The following PIWIL4 variants were observed in gnomAD, a reference collection of about 807,000 sequenced individuals.
The protein encoded by PIWIL4 is piwi like RNA-mediated gene silencing 4.
A neutral mutation model predicts 100.9 loss-of-function variants in PIWIL4; 50 were observed. The observed-to-expected ratio is 0.50, with a 90% CI of 0.39 to 0.63. The LOEUF (loss-of-function observed/expected upper bound fraction) is 0.63, where lower values mean the gene tolerates loss of function less well. PIWIL4 is among the 20% of genes least tolerant of loss of function. The probability of loss-of-function intolerance (pLI) is 0.00; values close to 1 mark genes in which losing one functional copy is unlikely to be tolerated. For missense variants in PIWIL4, 887 were observed against 1,043.3 expected, an observed-to-expected ratio of 0.85 and a Z score of 2.06; for synonymous variants, 342 against 367.5, an observed-to-expected ratio of 0.93 and a Z score of 0.79.
At position 94,587,046 on chromosome 11, in the gene PIWIL4, A is replaced by G; in HGVS notation, c.717-4A>G. 1 of 1,597,792 alleles carries G rather than the reference A, an allele frequency of 6.3e-7. No individual in the cohort carries two copies. Among genetic ancestry groups the G allele is most frequent in the African/African-American group, 1.4e-5 (1 of 73,950 alleles). ...ATTCCTTTTTTTCTTTTTTGTTTTT[A>G]AAGATTATCCCTTTGGCCTGGGTTT... On this transcript the variant is annotated splice_polypyrimidine_tract_variant and splice_region_variant and intron_variant, in intron 6 of 19. Coordinates refer to ENST00000299001, the MANE Select transcript of PIWIL4 (RefSeq NM_152431.3).
intron 17 of PIWIL4, among the ~76,000 whole-genome samples, 199 bp from the exon 18 acceptor site, chr11:94,619,561 C>A (rs921189061): frequency 6.6e-6 from 1 of 152,142 alleles, no homozygotes; most frequent in Non-Finnish European, 1.5e-5. Context: ...CATCCTTTTG[C>A]AACAAATACG....
Position 94,575,040 on chromosome 11 carries a change from A to T in PIWIL4, c.208A>T (p.Met70Leu). The T allele has an allele frequency of 6.2e-7, 1 of 1,613,388 alleles. No individual in the cohort carries two copies. The highest frequency in any genetic ancestry group is 1.3e-5 in the African/African-American group (1 of 75,042). ...ISSGDAGSTFMERGVKNKQDF... is the reference protein window; with the variant it reads ...ISSGDAGSTFLERGVKNKQDF... ...TTCTGGTGATGCTGGAAGTACCTTC[A>T]TGGAAAGAGGTGTGAAAAACAAACA... Residue 70 changes from methionine (M) to leucine (L), a missense_variant, in exon 3 of 20, where the codon ATG (methionine) becomes TTG (leucine). Physicochemically the swap from Met to Leu is conservative, Grantham distance 15 (BLOSUM62 2). This residue lies in a region of PIWIL4 where 146 missense variants were observed against 113.4 expected (regional missense o/e 1.29). Coordinates refer to ENST00000299001, the MANE Select transcript of PIWIL4 (RefSeq NM_152431.3).
At chr11:94,586,955 C>A in intron 6 of PIWIL4, 95 bp from the exon 7 acceptor site, 1 of 1,195,536 alleles carries the variant, frequency 8.4e-7, no homozygotes, top group Non-Finnish European at 1.2e-6. Flanking sequence ...GTTAAGATCT[C>A]GAGAATTAGA....
intron 4 of PIWIL4, among the ~76,000 whole-genome samples, chr11:94,579,783 T>A (rs1948288497): frequency 6.6e-6 from 1 of 152,236 alleles, no homozygotes; most frequent in African/African-American, 2.4e-5. Context: ...TTTTTATTGA[T>A]CCTTCAATTC....
intron 11 of PIWIL4, among the ~76,000 whole-genome samples, chr11:94,600,862 C>A (rs1411565199): frequency 1.3e-5 from 2 of 151,970 alleles, no homozygotes; most frequent in Non-Finnish European, 2.9e-5. Context: ...AATATTTCTC[C>A]TATTTGCTTT....
Position 94,567,535 on chromosome 11 carries a change from G to A in PIWIL4, c.17G>A (p.Arg6Gln). ...ACCGGGAACATGAGTGGAAGAGCCC[G>A]AGTGAAGGCCAGAGGCATCGCCCGC... MSGRARVKARGIARSP... is the reference protein window; with the variant it reads MSGRAQVKARGIARSP... Residue 6 changes from arginine to glutamine, a missense_variant, in exon 1 of 20, where the codon CGA (arginine) becomes CAA (glutamine). Physicochemically the swap from Arg to Gln is conservative, Grantham distance 43 (BLOSUM62 1). Around this residue, in one of 2 missense-constraint regions of PIWIL4, gnomAD observed 146 missense variants for 113.4 expected, o/e 1.29. Coordinates refer to ENST00000299001, the MANE Select transcript of PIWIL4 (RefSeq NM_152431.3). 1 of 1,601,932 alleles carries A rather than the reference G, an allele frequency of 6.2e-7. No individual in the cohort carries two copies. The highest frequency in any genetic ancestry group is 1.3e-5 in the African/African-American group (1 of 75,004).
At position 94,607,526 on chromosome 11, in the gene PIWIL4, T is replaced by C. The variant is rs370900833; in HGVS notation, c.1726T>C (p.Cys576Arg). The C allele has an allele frequency of 5.0e-5, 80 of 1,613,874 alleles. 2 individuals are homozygous for C. The highest frequency in any genetic ancestry group is 3.2e-4 in the South Asian group (29 of 91,072). Residue 576 changes from cysteine to arginine, a missense_variant, in exon 14 of 20, where the codon TGT becomes CGT. This residue lies in a region of PIWIL4 where 741 missense variants were observed against 930.0 expected (regional missense o/e 0.80). Coordinates refer to ENST00000299001, the MANE Select transcript of PIWIL4 (RefSeq NM_152431.3). ...CTCAGACTGCCCAGTCCCAAGCCAA[T>C]GTGTGCTTGCTCGGACCTTGAATAA... ...LSSDCPVPSQ[C>R]VLARTLNKQG... is the part of the protein sequence containing the mutation.
chr11:94,569,396 GA>G (rs1948117468), intron 2 of PIWIL4, among the ~76,000 whole-genome samples: 1 of 149,016 alleles, frequency 6.7e-6, no homozygotes, highest in Non-Finnish European at 1.5e-5. Context: ...GTTTGTTTTT[GA>G]GATGGAGTTT....
chr11:94,608,591 C>T lies in PIWIL4; in HGVS notation c.1848C>T (p.Ser616=), dbSNP rs750573373. ...CAAATTTAATTTTATAGTTAAAGTC[C>T]CTGATGGTGGTCGGTATTGATGTCT... The part of the protein sequence containing the change: ...ELWAVEIPLK[S]LMVVGIDVCK... The change falls in exon 15 of 20, where the codon TCC becomes TCT. Residue 616 remains serine, a synonymous_variant. Transcript: ENST00000299001. 5.6e-6 allele frequency: 9 copies of T among 1,613,352 alleles called. No homozygotes were observed. Among genetic ancestry groups the T allele is most frequent in the South Asian group, 1.1e-5 (1 of 91,022 alleles).
At chr11:94,575,172 TCTTG>T in intron 3 of PIWIL4, 42 bp downstream of exon 3, 1 of 1,600,006 alleles carries the variant, frequency 6.2e-7, no homozygotes, top group Non-Finnish European at 8.5e-7. Flanking sequence ...TGTTACCAAA[TCTTG>T]CTTAAGGACT....
At chr11:94,602,788 G>GTC (rs1948661077) in intron 12 of PIWIL4, among the ~76,000 whole-genome samples, 1 of 152,120 alleles carries the variant, frequency 6.6e-6, no homozygotes, top group Admixed American at 6.6e-5. Context: ...TAATCCCAAA[G>GTC]TCTCATTTAA....
At position 94,595,324 on chromosome 11, in the gene PIWIL4, C is replaced by A. The variant is rs1435846914; in HGVS notation, c.1166C>A (p.Ala389Glu). ...LCFLTGLTDQATSDFQLMKAV... is the reference protein window; with the variant it reads ...LCFLTGLTDQETSDFQLMKAV... The stretch of plus-strand genomic sequence containing the variant: ...CATTTAATAGGGCTGACTGACCAGG[C>A]AACATCTGATTTCCAGCTGATGAAG... Residue 389 changes from alanine (A) to glutamate (E), a missense_variant, in exon 10 of 20, where the codon GCA becomes GAA. Transcript: ENST00000299001. 3 of 1,613,794 alleles carry A rather than the reference C, an allele frequency of 1.9e-6. No homozygotes were observed. In the Admixed American group the frequency reaches 5.0e-5, roughly 27 times the overall value.
At chr11:94,569,226 A>G (rs1378894441) in intron 2 of PIWIL4, among the ~76,000 whole-genome samples, 1 of 152,232 alleles carries the variant, frequency 6.6e-6, no homozygotes, top group Non-Finnish European at 1.5e-5. Flanking sequence ...CAAAGATATA[A>G]AATCAACTTA....
chr11:94,572,693 C>T (rs1017654649), intron 2 of PIWIL4, among the ~76,000 whole-genome samples: 2 of 152,088 alleles, frequency 1.3e-5, no homozygotes, highest in Non-Finnish European at 2.9e-5. Flanking sequence ...TTACTGTAGC[C>T]TTGTAGTATA....
Position 94,610,632 on chromosome 11 carries a change from T to C in PIWIL4, c.1943+1946T>C, listed in dbSNP as rs183169494. The stretch of plus-strand genomic sequence containing the variant: ...CCTTTTCATGTATCTGTTGGCCATT[T>C]ATATGTCATCTTTGGAAAAATGTCT... On this transcript the variant is annotated intron_variant, in intron 15 of 19. Coordinates refer to ENST00000299001, the MANE Select transcript of PIWIL4 (RefSeq NM_152431.3). Among the ~76,000 whole-genome samples, 532 of 152,326 alleles carry C rather than the reference T, an allele frequency of 3.5e-3. 1 individual carries two copies. The highest frequency in any genetic ancestry group is 5.9e-3 in the Non-Finnish European group (403 of 68,000).
chr11:94,601,249 A>G (rs1214888099), intron 11 of PIWIL4, among the ~76,000 whole-genome samples: 1 of 152,128 alleles, frequency 6.6e-6, no homozygotes, highest in Non-Finnish European at 1.5e-5. Context: ...GAACTAATAA[A>G]TGTCCATGAA....
intron 2 of PIWIL4, among the ~76,000 whole-genome samples, chr11:94,572,140 A>AT (rs1184537498): frequency 1.5e-4 from 23 of 151,832 alleles, no homozygotes; most frequent in African/African-American, 4.6e-4. Context: ...GGGTTGTTTG[A>AT]TTTTTTCTTG....
In PIWIL4 at chr11:94,587,069, T is replaced by G. The variant is rs777130071; in HGVS notation, c.736T>G (p.Phe246Val). The change falls in exon 7 of 20, where the codon TTT becomes GTT. Residue 246 changes from phenylalanine (F) to valine (V), a missense_variant. Physicochemically the swap from Phe to Val is conservative, Grantham distance 50 (BLOSUM62 -1). This residue lies in a region of PIWIL4 where 741 missense variants were observed against 930.0 expected (regional missense o/e 0.80). Transcript: ENST00000299001. Reference protein sequence around the residue: ...PQHKLSLWPGFAISVSYFERK... With the variant: ...PQHKLSLWPGVAISVSYFERK... ...TTAAAGATTATCCCTTTGGCCTGGG[T>G]TTGCCATTTCTGTGTCATATTTTGA... 9.3e-6 allele frequency: 15 copies of G among 1,612,724 alleles called. No homozygotes were observed. The East Asian group carries it at 3.3e-4, about 36-fold the overall frequency.
At chr11:94,589,924 C>T (rs1335349380) in intron 8 of PIWIL4, among the ~76,000 whole-genome samples, 1 of 152,174 alleles carries the variant, frequency 6.6e-6, no homozygotes, top group Non-Finnish European at 1.5e-5. Context: ...ATATTAGATA[C>T]TCAAGAAACT....
Sources: gnomAD v4.1 joint callset for allele counts (sites outside exome capture counted in the v4.1 genomes callset) on GRCh38, gnomAD v4.1.1 for gene constraint, gnomAD v4.1.1 regional missense constraint, MANE v1.5 for transcripts, NCBI Gene and HGNC (gene_info 2026-07-23, HGNC 2026-07-21) for gene names.